PPP1R42: variants seen among roughly 807,000 people sequenced by gnomAD.
PPP1R42 encodes protein phosphatase 1 regulatory subunit 42.
In PPP1R42, 34 loss-of-function variants were observed where a neutral mutation model predicts 31.0. The ratio of observed to expected loss-of-function variants is 1.10; its 90% confidence interval spans 0.83 to 1.46. PPP1R42 has a LOEUF of 1.46. PPP1R42 is among the 40% of genes most tolerant of loss of function. The pLI is 0.00. For synonymous variants in PPP1R42, 103 were observed against 109.8 expected (o/e 0.94, Z 0.39); for missense variants, 268 against 303.0 (o/e 0.88, Z 0.86).
At chr8:67,015,408 AATAC>A (rs1169169775) in intron 2 of PPP1R42, among the ~76,000 whole-genome samples, 2 of 152,202 alleles carry the variant, frequency 1.3e-5, no homozygotes, top group Non-Finnish European at 2.9e-5. Flanking sequence ...AGCAATATCT[AATAC>A]ATAGTTAAGT....
intron 6 of PPP1R42, among the ~76,000 whole-genome samples, chr8:66,986,724 A>G (rs1815029311): frequency 6.6e-6 from 1 of 152,260 alleles, no homozygotes; most frequent in Non-Finnish European, 1.5e-5. Context: ...TATATGGAGA[A>G]TAAGTGCGCA....
chr8:66,988,519 T>C lies in PPP1R42; in HGVS notation c.553-2A>G. On this transcript the variant is annotated splice_acceptor_variant, in intron 5 of 7. Coordinates refer to ENST00000685739, the MANE Select transcript of PPP1R42 (RefSeq NM_001364910.1). LOFTEE classifies it high-confidence loss of function. ...CTTGTTCAGTAAAAACTCCAAATCC[T>C]ATAATTAGAGAAGAAAAAGCAAAGC... 1 of 1,596,118 alleles carries C rather than the reference T, an allele frequency of 6.3e-7. No homozygotes were observed. Among genetic ancestry groups the C allele is most frequent in the African/African-American group, 1.4e-5 (1 of 73,876 alleles).
chr8:67,010,659 T>C, intron 5 of PPP1R42, 56 bp downstream of exon 5: 4 of 1,233,008 alleles, frequency 3.2e-6, no homozygotes, highest in Admixed American at 4.0e-5. Context: ...TTACAAAACA[T>C]TTTTCAATCA....
chr8:67,026,915 T>C (rs1225642647), intron 1 of PPP1R42: 132 of 147,208 alleles, frequency 9.0e-4, no homozygotes, highest in African/African-American at 3.2e-3. Flanking sequence ...TTTTTTTTTT[T>C]CCTGAGATGG....
intron 7 of PPP1R42, among the ~76,000 whole-genome samples, chr8:66,976,547 C>G (rs1487434399): frequency 2.6e-5 from 4 of 151,806 alleles, no homozygotes; most frequent in African/African-American, 7.3e-5. Flanking sequence ...GCCTTATTCC[C>G]TCTGGCCTTC....
intron 7 of PPP1R42, among the ~76,000 whole-genome samples, chr8:66,981,031 A>G (rs552071572): frequency 6.6e-6 from 1 of 152,020 alleles, no homozygotes; most frequent in African/African-American, 2.4e-5. Context: ...TTGTAGAGAT[A>G]GGGTTTCACC....
chr8:66,999,551 A>C (rs1022482287), intron 5 of PPP1R42, among the ~76,000 whole-genome samples: 10 of 151,968 alleles, frequency 6.6e-5, no homozygotes, highest in Non-Finnish European at 8.8e-5. Context: ...GTCTCCCCAC[A>C]TTGCCCAGCC....
intron 7 of PPP1R42, among the ~76,000 whole-genome samples, chr8:66,979,044 A>G (rs1007922284): frequency 1.3e-5 from 2 of 152,158 alleles, no homozygotes; most frequent in Non-Finnish European, 2.9e-5. Context: ...GCTGTGCAGA[A>G]GCTTTTTAGT....
At chr8:67,014,852 A>G (rs1023593389) in intron 2 of PPP1R42, among the ~76,000 whole-genome samples, 4 of 152,068 alleles carry the variant, frequency 2.6e-5, no homozygotes, top group African/African-American at 9.7e-5. Context: ...AGTGCAAGCA[A>G]TTTTCCTTGG....
At chr8:67,005,924 T>G (rs568072360) in intron 5 of PPP1R42, among the ~76,000 whole-genome samples, 5 of 152,342 alleles carry the variant, frequency 3.3e-5, no homozygotes, top group Non-Finnish European at 7.3e-5. Context: ...TCTATTGCAC[T>G]TAGAATAAAG....
chr8:66,986,274 G>A (rs1585647443), intron 6 of PPP1R42: 2 of 510,818 alleles, frequency 3.9e-6, no homozygotes, highest in South Asian at 3.3e-5. Flanking sequence ...AAAAGATTAA[G>A]GAAGAGTGGC....
At chr8:66,998,510 T>C (rs1450590934) in intron 5 of PPP1R42, among the ~76,000 whole-genome samples, 1 of 152,242 alleles carries the variant, frequency 6.6e-6, no homozygotes, top group East Asian at 1.9e-4. Context: ...AAGAACATTT[T>C]GTTTCTTCCT....
intron 1 of PPP1R42, among the ~76,000 whole-genome samples, chr8:67,021,951 T>C (rs1816232868): frequency 6.6e-6 from 1 of 151,630 alleles, no homozygotes; most frequent in South Asian, 2.1e-4. Context: ...GATTGATCTT[T>C]GAGTATTTCT....
rs1814928194 is a variant in PPP1R42, at chr8:66,984,073, ATAAGTG to A, written c.671-1899_671-1894del. 50 of 1,485,434 alleles carry A rather than the reference ATAAGTG, an allele frequency of 3.4e-5. No individual in the cohort carries two copies. In the South Asian group the frequency reaches 5.0e-4, roughly 15 times the overall value. 92.0% of individuals were successfully genotyped at this position (1,485,434 alleles called of 1,614,324 possible). ...AAGTGGGAGTGGGTTGGGAAACAGAATAAGTGAGAGGACAGAAGAGACAAAGGCAAG... is the reference window on the plus strand; with the variant it reads ...AAGTGGGAGTGGGTTGGGAAACAGAAAGAGGACAGAAGAGACAAAGGCAAG... On this transcript the variant is annotated intron_variant, in intron 6 of 7. Coordinates refer to ENST00000685739, the MANE Select transcript of PPP1R42 (RefSeq NM_001364910.1).
intron 2 of PPP1R42, 152 bp downstream of exon 2, chr8:67,017,467 C>T (rs1382332126): frequency 2.6e-6 from 1 of 381,742 alleles, no homozygotes; most frequent in Non-Finnish European, 4.4e-6. Flanking sequence ...ATACTCCAGC[C>T]TGGGCAACAG....
At chr8:67,021,473 G>A (rs1816213606) in intron 1 of PPP1R42, 1 of 151,976 alleles carries the variant, frequency 6.6e-6, no homozygotes, top group African/African-American at 2.4e-5. Flanking sequence ...GCTTATTGTT[G>A]ACTTTTCAGA....
At chr8:67,013,138 T>A in intron 3 of PPP1R42, 42 bp from the exon 4 acceptor site, 1 of 1,507,996 alleles carries the variant, frequency 6.6e-7, no homozygotes, top group Non-Finnish European at 8.9e-7. Flanking sequence ...ATTCTGAGAA[T>A]GTCATGGTCT....
chr8:66,986,110 C>T, intron 6 of PPP1R42: 1 of 703,268 alleles, frequency 1.4e-6, no homozygotes, highest in Non-Finnish European at 2.7e-6. Flanking sequence ...ATGCTCTTCC[C>T]TACAGCAGTT....
chr8:66,990,792 C>T (rs138799267), intron 5 of PPP1R42, among the ~76,000 whole-genome samples: 1 of 152,294 alleles, frequency 6.6e-6, no homozygotes, highest in East Asian at 1.9e-4. Context: ...CTTCTGACTG[C>T]CTGTCATCAT....
Sources: gnomAD v4.1 joint callset for allele counts (sites outside exome capture counted in the v4.1 genomes callset) on GRCh38, gnomAD v4.1.1 for gene constraint, MANE v1.5 for transcripts, NCBI Gene and HGNC (gene_info 2026-07-23, HGNC 2026-07-21) for gene names.